BEAN1: variants seen among roughly 807,000 people sequenced by gnomAD.
BEAN1 encodes protein BEAN1.
A neutral mutation model predicts 17.7 loss-of-function variants in BEAN1; 17 were observed. The observed-to-expected ratio is 0.96, with a 90% CI of 0.66 to 1.44. The LOEUF (loss-of-function observed/expected upper bound fraction) is 1.44, where lower values mean the gene tolerates loss of function less well. Among genes scored for constraint, BEAN1 ranks in the 40% most tolerant of loss-of-function variants. The pLI is 0.00. For missense variants in BEAN1, 359 were observed against 374.1 expected (o/e 0.96, Z 0.33); for synonymous variants, 142 against 151.8 (o/e 0.94, Z 0.47).
chr16:66,468,903 C>A (rs1314545217), intron 2 of BEAN1, among the ~76,000 whole-genome samples: 1 of 152,136 alleles, frequency 6.6e-6, no homozygotes, highest in Admixed American at 6.5e-5. Context: ...AGCTGTTAGT[C>A]CTGGAGGAGG....
chr16:66,439,858 C>T (rs1457910582), intron 2 of BEAN1, among the ~76,000 whole-genome samples: 3 of 152,162 alleles, frequency 2.0e-5, no homozygotes, highest in Non-Finnish European at 4.4e-5. Context: ...AAGGGGTCCA[C>T]CAAGCCCAGT....
chr16:66,480,485 C>G, intron 4 of BEAN1, 101 bp from the exon 5 acceptor site: 5 of 985,980 alleles, frequency 5.1e-6, no homozygotes, highest in Middle Eastern at 2.4e-4. Flanking sequence ...CCCTGGTCCA[C>G]AGCCAGGACA....
Position 66,469,816 on chromosome 16 carries a change from C to A in BEAN1, c.240C>A (p.His80Gln). Residue 80 changes from histidine to glutamine, a missense_variant, in exon 3 of 5, where the codon CAC (histidine) becomes CAA (glutamine). Transcript: ENST00000536005. ...HRHRHHRHHH[H>Q]HHHHRRRRHR... is the part of the protein sequence containing the mutation. ...ACCGCCACCACCGCCACCACCACCA[C>A]CATCATCACCACCGCCGGCGTCGAC... 6.5e-7 allele frequency: 1 copy of A among 1,535,600 alleles called. No homozygotes were observed. Among genetic ancestry groups the A allele is most frequent in the Non-Finnish European group, 8.7e-7 (1 of 1,146,766 alleles).
chr16:66,486,543 C>T (rs1964091977), downstream of BEAN1, among the ~76,000 whole-genome samples: 1 of 152,204 alleles, frequency 6.6e-6, no homozygotes, highest in Non-Finnish European at 1.5e-5. Flanking sequence ...GTGTGAGCCA[C>T]CGCACCCAGC....
intron 4 of BEAN1, among the ~76,000 whole-genome samples, chr16:66,490,313 C>T (rs1964147621): frequency 6.8e-6 from 1 of 147,236 alleles, no homozygotes. Flanking sequence ...AGGAGAATCG[C>T]TTGAACCCAG....
At chr16:66,445,135 G>T (rs1962395549) in intron 2 of BEAN1, among the ~76,000 whole-genome samples, 1 of 152,092 alleles carries the variant, frequency 6.6e-6, no homozygotes, top group African/African-American at 2.4e-5. Context: ...ACAGACAAAT[G>T]AATATCTAAT....
At chr16:66,449,411 C>T (rs1356807770) in intron 2 of BEAN1, among the ~76,000 whole-genome samples, 1 of 152,080 alleles carries the variant, frequency 6.6e-6, no homozygotes, top group Non-Finnish European at 1.5e-5. Flanking sequence ...AGTTCGAGAT[C>T]AGCCTGGCTA....
At chr16:66,487,180 A>G (rs1272286529), downstream of BEAN1, among the ~76,000 whole-genome samples, 1 of 152,234 alleles carries the variant, frequency 6.6e-6, no homozygotes, top group African/African-American at 2.4e-5. Context: ...ATGGTTACAC[A>G]GTTTTGTTCC....
chr16:66,456,458 C>T (rs370370468), intron 2 of BEAN1, among the ~76,000 whole-genome samples: 1 of 152,152 alleles, frequency 6.6e-6, no homozygotes, highest in Non-Finnish European at 1.5e-5. Context: ...CAGGCATGCA[C>T]AGTAACTCCA....
intron 4 of BEAN1, among the ~76,000 whole-genome samples, chr16:66,488,518 C>CA (rs35976761): frequency 0.061 from 2,976 of 48,654 alleles, 59 homozygotes; most frequent in Non-Finnish European, 0.077. Flanking sequence ...TTATCACTAC[C>CA]AAAAAAAAAA....
chr16:66,439,389 GCA>G (rs1962158596), intron 2 of BEAN1, among the ~76,000 whole-genome samples: 1 of 152,230 alleles, frequency 6.6e-6, no homozygotes, highest in East Asian at 1.9e-4. Flanking sequence ...GCCCTGCAGA[GCA>G]CTGGGATGGT....
intron 1 of BEAN1, among the ~76,000 whole-genome samples, chr16:66,432,386 A>T (rs1179891321): frequency 6.6e-6 from 1 of 152,044 alleles, no homozygotes; most frequent in African/African-American, 2.4e-5. Flanking sequence ...CTGCCTGAGG[A>T]CCCCCAACTG....
At chr16:66,493,576 A>G (rs1343465116), downstream of BEAN1, 2 of 568,672 alleles carry the variant, frequency 3.5e-6, no homozygotes, top group African/African-American at 3.8e-5. Flanking sequence ...ACCAACTCCC[A>G]GGCCCAGCCC....
intron 2 of BEAN1, among the ~76,000 whole-genome samples, chr16:66,450,126 T>G (rs1461571002): frequency 6.6e-6 from 1 of 152,234 alleles, no homozygotes; most frequent in Non-Finnish European, 1.5e-5. Flanking sequence ...ATATCAATTT[T>G]AGCTCAATCT....
intron 4 of BEAN1, among the ~76,000 whole-genome samples, chr16:66,488,937 C>T (rs1322869935): frequency 1.3e-5 from 2 of 151,584 alleles, no homozygotes; most frequent in African/African-American, 2.4e-5. Flanking sequence ...TTTGAGAGGC[C>T]GAGGCAGGTG....
intron 3 of BEAN1, among the ~76,000 whole-genome samples, chr16:66,474,610 G>GAGGGAGGAAGGA (rs1963644686): frequency 8.1e-5 from 1 of 12,384 alleles, no homozygotes; most frequent in African/African-American, 4.6e-4. Context: ...GGGAGAGAGG[G>GAGGGAGGAAGGA]AGGGAGGAAG....
intron 2 of BEAN1, among the ~76,000 whole-genome samples, chr16:66,465,137 T>C (rs1183623690): frequency 6.6e-6 from 1 of 152,242 alleles, no homozygotes; most frequent in African/African-American, 2.4e-5. Context: ...TTTTTCTGTA[T>C]CTGTTTTGAT....
Position 66,438,756 on chromosome 16 carries a change from T to C in BEAN1, c.25+1055T>C, listed in dbSNP as rs1962132525. On this transcript the variant is annotated intron_variant, in intron 2 of 4. Coordinates refer to ENST00000536005, the MANE Select transcript of BEAN1 (RefSeq NM_001178020.3). ...CACCACCCTTGCCCCAGGGCCCCTTTCACTTCTCCCACAGCAGCCACCTGC... is the reference window on the plus strand; with the variant it reads ...CACCACCCTTGCCCCAGGGCCCCTTCCACTTCTCCCACAGCAGCCACCTGC... 3.3e-5 allele frequency among the ~76,000 whole-genome samples: 5 copies of C among 152,200 alleles called. No homozygotes were observed. In the South Asian group the frequency reaches 1.0e-3, roughly 32 times the overall value.
At chr16:66,449,093 GT>G (rs1962569653) in intron 2 of BEAN1, among the ~76,000 whole-genome samples, 1 of 152,098 alleles carries the variant, frequency 6.6e-6, no homozygotes, top group Admixed American at 6.5e-5. Context: ...CATGTCAAGG[GT>G]AAACATTAAC....
Sources: allele counts gnomAD v4.1 joint callset (sites outside exome capture counted in the v4.1 genomes callset), GRCh38; gene constraint gnomAD v4.1.1; transcripts MANE v1.5; gene names NCBI Gene and HGNC (gene_info 2026-07-23, HGNC 2026-07-21).